ABHD2: variants seen among roughly 807,000 people sequenced by gnomAD.
The protein encoded by ABHD2 is abhydrolase domain containing 2, acylglycerol lipase.
A neutral mutation model predicts 48.1 loss-of-function variants in ABHD2; 20 were observed. That is an observed-to-expected ratio of 0.42 (90% confidence interval 0.29 to 0.60). The LOEUF (loss-of-function observed/expected upper bound fraction) is 0.60. Among genes scored for constraint, ABHD2 ranks in the 20% least tolerant of loss-of-function variants. ABHD2 has a pLI of 0.24. For missense variants in ABHD2, 405 were observed against 550.9 expected (o/e 0.74, Z 2.65); for synonymous variants, 209 against 214.2 (o/e 0.98, Z 0.21).
At chr15:89,113,568 TA>T (rs2049909276) in intron 1 of ABHD2, among the ~76,000 whole-genome samples, 156 bp from the exon 2 acceptor site, 1 of 152,220 alleles carries the variant, frequency 6.6e-6, no homozygotes. Context: ...GCAGGCTTGT[TA>T]AAAAGGCCAA....
In ABHD2 at chr15:89,164,259, T is replaced by G. The variant is rs1289536104; in HGVS notation, c.538+8725T>G. ...TGCACAGTCACAGTCGGTCTAAGCT[T>G]ATTGGCTAGGTTTGTCCAAAAGGAA... On this transcript the variant is annotated intron_variant, in intron 5 of 10. Transcript: ENST00000352732. This position sits in a 1 kb window ranked among gnomAD's most constrained non-coding sequence, Gnocchi z 5.0. Among the ~76,000 whole-genome samples, 1 of 152,166 alleles carries G rather than the reference T, an allele frequency of 6.6e-6. No individual in the cohort carries two copies. The highest frequency in any genetic ancestry group is 2.1e-4 in the South Asian group (1 of 4,822).
At chr15:89,084,534 A>G (rs1266692660), upstream of ABHD2, among the ~76,000 whole-genome samples, 1 of 152,186 alleles carries the variant, frequency 6.6e-6, no homozygotes, top group Non-Finnish European at 1.5e-5. The surrounding 1 kb of genome is among the most constrained non-coding windows in gnomAD (Gnocchi z 4.4). Context: ...CCTGGCTTCA[A>G]GTGATCCGCC....
intron 5 of ABHD2, among the ~76,000 whole-genome samples, chr15:89,156,139 G>A (rs1356967192): frequency 1.1e-4 from 3 of 28,098 alleles, no homozygotes; most frequent in Non-Finnish European, 2.3e-4. Flanking sequence ...TTTTTTTTTT[G>A]AGACAGAGTC....
chr15:89,127,722 C>CACACATATATAT lies in ABHD2; in HGVS notation c.194+11202_194+11203insCACATATATATA, dbSNP rs145443146. Among the ~76,000 whole-genome samples, 183 of 133,118 alleles carry CACACATATATAT rather than the reference C, an allele frequency of 1.4e-3. 8 individuals are homozygous for CACACATATATAT. The highest frequency in any genetic ancestry group is 5.5e-3 in the African/African-American group (170 of 30,760). 87.3% of individuals were successfully genotyped at this position (133,118 alleles called of 152,430 possible). On this transcript the variant is annotated intron_variant, in intron 3 of 10. Coordinates refer to ENST00000352732, the MANE Select transcript of ABHD2 (RefSeq NM_152924.5). ...ATATATATACATATATATATATACA[C>CACACATATATAT]ATATATATATATATATATGTATATT...
At chr15:89,183,384 A>AAAAATATATATATATAT (rs61602174) in intron 6 of ABHD2, 1 of 46,264 alleles carries the variant, frequency 2.2e-5, no homozygotes, top group Non-Finnish European at 4.2e-5. Context: ...AAAAAAAAAA[A>AAAAATATATATATATAT]ATATATATAT....
Position 89,100,216 on chromosome 15 carries a change from G to A in ABHD2, c.-107+11653G>A, listed in dbSNP as rs191885499. Among the ~76,000 whole-genome samples, 1 of 152,162 alleles carries A rather than the reference G, an allele frequency of 6.6e-6. No homozygotes were observed. The highest frequency in any genetic ancestry group is 2.4e-5 in the African/African-American group (1 of 41,506). On this transcript the variant is annotated intron_variant, in intron 1 of 10. Transcript: ENST00000352732. This position sits in a 1 kb window ranked among gnomAD's most constrained non-coding sequence, Gnocchi z 4.4. ...CTCTGGACTGGGATCTTCCAGCCTT[G>A]GTGAATGAAGTCTCTCCTTTGTCTT...
chr15:89,148,216 G>A lies in ABHD2; in HGVS notation c.195-3461G>A, dbSNP rs537350772. Among the ~76,000 whole-genome samples, 6 of 151,560 alleles carry A rather than the reference G, an allele frequency of 4.0e-5. No homozygotes were observed. The South Asian group carries it at 6.2e-4, about 16-fold the overall frequency. On this transcript the variant is annotated intron_variant, in intron 3 of 10. Transcript: ENST00000352732. ...AACATATGATAGATAATGGCTTAATGTAGGGATAATAAAACAATACTTATA... is the reference window on the plus strand; with the variant it reads ...AACATATGATAGATAATGGCTTAATATAGGGATAATAAAACAATACTTATA...
the ABHD2 span, among the ~76,000 whole-genome samples, chr15:89,076,342 G>A: frequency 6.6e-6 from 1 of 152,132 alleles, no homozygotes; most frequent in Non-Finnish European, 1.5e-5. Context: ...TGGAGCAAAT[G>A]CCAGACATTC....
the ABHD2 span, among the ~76,000 whole-genome samples, chr15:89,066,155 C>G: frequency 6.6e-6 from 1 of 152,136 alleles, no homozygotes; most frequent in East Asian, 1.9e-4. Flanking sequence ...TTTCCTAGAT[C>G]TGCTGTAACA....
chr15:89,068,530 G>T, the ABHD2 span, among the ~76,000 whole-genome samples: 1 of 152,268 alleles, frequency 6.6e-6, no homozygotes, highest in African/African-American at 2.4e-5. Flanking sequence ...ACACCTACAC[G>T]TGGTCCCTCC....
intron 3 of ABHD2, among the ~76,000 whole-genome samples, chr15:89,117,959 G>A (rs764144424): frequency 1.5e-4 from 23 of 152,174 alleles, no homozygotes; most frequent in Admixed American, 7.9e-4. Context: ...GAGAGATTGC[G>A]TAATAGTGGT....
chr15:89,042,805 C>T, the ABHD2 span, among the ~76,000 whole-genome samples: 10 of 151,790 alleles, frequency 6.6e-5, no homozygotes, highest in Non-Finnish European at 1.2e-4. Context: ...TGCCACAAAG[C>T]CTGGCTAATT....
At chr15:89,056,802 A>G in the ABHD2 span, among the ~76,000 whole-genome samples, 1 of 152,046 alleles carries the variant, frequency 6.6e-6, no homozygotes, top group African/African-American at 2.4e-5. Flanking sequence ...GTAAAATGGG[A>G]CAATAGCAAT....
In ABHD2 at chr15:89,201,281, T is replaced by C; in HGVS notation, c.*5858T>C. 1 of 1,169,414 alleles carries C rather than the reference T, an allele frequency of 8.6e-7. No individual in the cohort carries two copies. Among genetic ancestry groups the C allele is most frequent in the Non-Finnish European group, 1.3e-6 (1 of 791,362 alleles). The allele number at this position is 1,169,414 out of a possible 1,614,324, so 72.4% of individuals were successfully genotyped here. On this transcript the variant is annotated 3_prime_UTR_variant, in exon 11 of 11. Transcript: ENST00000352732. Reference sequence around the variant, plus strand: ...CTTCATCATTTCTCCCTGAAGTCTTTTACACTCTTCTGTTAGTTTCCTTGT... The same window carrying C: ...CTTCATCATTTCTCCCTGAAGTCTTCTACACTCTTCTGTTAGTTTCCTTGT...
chr15:89,045,574 C>A, the ABHD2 span, among the ~76,000 whole-genome samples: 1 of 152,028 alleles, frequency 6.6e-6, no homozygotes, highest in South Asian at 2.1e-4. Context: ...CTTTTATTTC[C>A]TTGAGCAGTG....
At chr15:89,083,752 G>A (rs1488541523), upstream of ABHD2, among the ~76,000 whole-genome samples, 7 of 152,114 alleles carry the variant, frequency 4.6e-5, no homozygotes, top group Admixed American at 1.3e-4. This position sits in a 1 kb window ranked among gnomAD's most constrained non-coding sequence, Gnocchi z 5.1. Flanking sequence ...TTTCATGATC[G>A]TTTTCACTGG....
chr15:89,065,541 A>T, the ABHD2 span, among the ~76,000 whole-genome samples: 1 of 152,160 alleles, frequency 6.6e-6, no homozygotes, highest in South Asian at 2.1e-4. Context: ...CTCCCTTCCT[A>T]AGAACAAACA....
intron 3 of ABHD2, among the ~76,000 whole-genome samples, chr15:89,138,475 G>C (rs1417717814): frequency 1.3e-5 from 2 of 152,164 alleles, no homozygotes; most frequent in Non-Finnish European, 2.9e-5. Context: ...GAGATATTCA[G>C]TATGATTTTG....
chr15:89,073,763 G>A, the ABHD2 span, among the ~76,000 whole-genome samples: 625 of 152,160 alleles, frequency 4.1e-3, 3 homozygotes, highest in African/African-American at 0.012. Flanking sequence ...TCATGATATC[G>A]ATCCTACACA....
Sources: allele counts gnomAD v4.1 joint callset (sites outside exome capture counted in the v4.1 genomes callset), GRCh38; gene constraint gnomAD v4.1.1; non-coding constraint Gnocchi (gnomAD v3.1); transcripts MANE v1.5; gene names NCBI Gene and HGNC (gene_info 2026-07-23, HGNC 2026-07-21).